The following COL5A2 variants were observed in gnomAD, a reference collection of about 807,000 sequenced individuals.
COL5A2 encodes collagen type V alpha 2 chain.
COL5A2 carries 23 observed loss-of-function variants against 208.2 expected under a neutral mutation model. The ratio of observed to expected loss-of-function variants is 0.11; its 90% CI spans 0.08 to 0.16. The LOEUF is 0.16. COL5A2 is among the 10% of genes least tolerant of loss of function. COL5A2 has a pLI of 1.00. For synonymous variants in COL5A2, 625 were observed against 628.5 expected, an observed-to-expected ratio of 0.99 and a Z score of 0.08; for missense variants, 1,590 against 1,956.4, an observed-to-expected ratio of 0.81 and a Z score of 3.53.
chr2:189,406,314 A>G, the COL5A2 span, among the ~76,000 whole-genome samples: 1 of 152,168 alleles, frequency 6.6e-6, no homozygotes, highest in Non-Finnish European at 1.5e-5. Flanking sequence ...TGGTAACAGC[A>G]TATTTCACAA....
chr2:189,279,660 A>C, the COL5A2 span, among the ~76,000 whole-genome samples: 1 of 151,976 alleles, frequency 6.6e-6, no homozygotes, highest in Admixed American at 6.5e-5. Context: ...GAGTATTATA[A>C]GATAGTTTAT....
rs528433894 is a variant in COL5A2 at position 189,109,742 on chromosome 2, A to G, written c.322+483T>C. On this transcript the variant is annotated intron_variant, in intron 2 of 53. Transcript: ENST00000374866. The stretch of plus-strand genomic sequence containing the variant: ...CTATTTCATTCTTTACCTAGCCAAC[A>G]TGAAAAGCATTCTGCATTTAAGAGC... Among the ~76,000 whole-genome samples, 4 of 152,314 alleles carry G rather than the reference A, an allele frequency of 2.6e-5. No individual in the cohort carries two copies. The East Asian group carries it at 7.7e-4, about 29-fold the overall frequency.
chr2:189,299,041 C>A, the COL5A2 span, among the ~76,000 whole-genome samples: 2 of 152,148 alleles, frequency 1.3e-5, no homozygotes, highest in East Asian at 3.8e-4. Flanking sequence ...TTAATGCTAT[C>A]CCACAGCTTT....
chr2:189,369,509 A>G, the COL5A2 span, among the ~76,000 whole-genome samples: 3 of 152,086 alleles, frequency 2.0e-5, no homozygotes, highest in Admixed American at 2.0e-4. Context: ...AGTTTGATAC[A>G]TTCGTTTTCA....
chr2:189,278,163 A>G, the COL5A2 span, among the ~76,000 whole-genome samples: 3 of 152,108 alleles, frequency 2.0e-5, no homozygotes, highest in Non-Finnish European at 2.9e-5. Context: ...TGTTTTTCTT[A>G]TATTCCTTCT....
At chr2:189,399,191 T>C in the COL5A2 span, among the ~76,000 whole-genome samples, 1 of 152,160 alleles carries the variant, frequency 6.6e-6, no homozygotes, top group Non-Finnish European at 1.5e-5. Flanking sequence ...GTTCTTGTAG[T>C]ACAGATCTCC....
At chr2:189,262,129 C>A in the COL5A2 span, among the ~76,000 whole-genome samples, 1 of 152,046 alleles carries the variant, frequency 6.6e-6, no homozygotes, top group South Asian at 2.1e-4. Context: ...TTTCCAAATG[C>A]TGACTCCTTA....
chr2:189,047,012 C>CT (rs996656346), intron 45 of COL5A2, among the ~76,000 whole-genome samples: 2 of 151,634 alleles, frequency 1.3e-5, no homozygotes, highest in African/African-American at 2.4e-5. Flanking sequence ...GTCCCAGCTA[C>CT]TGGGGAGGCT....
intron 26 of COL5A2, 131 bp from the exon 27 acceptor site, chr2:189,063,401 A>G (rs1686078253): frequency 2.5e-6 from 2 of 789,272 alleles, no homozygotes; most frequent in Non-Finnish European, 4.3e-6. Context: ...ATGTTAAAGA[A>G]TCAGGACAGT....
At chr2:189,299,278 A>T in the COL5A2 span, among the ~76,000 whole-genome samples, 1 of 152,190 alleles carries the variant, frequency 6.6e-6, no homozygotes, top group Non-Finnish European at 1.5e-5. Flanking sequence ...CTTTAAAAAA[A>T]ACAGAAGTAA....
At chr2:189,188,686 T>A (rs182249843) in intron 1 of COL5A2, among the ~76,000 whole-genome samples, 3 of 152,190 alleles carry the variant, frequency 2.0e-5, no homozygotes, top group Admixed American at 2.0e-4. Flanking sequence ...AAGAAATGAG[T>A]GTGCTATGCT....
At chr2:189,309,399 C>T in the COL5A2 span, among the ~76,000 whole-genome samples, 1 of 152,066 alleles carries the variant, frequency 6.6e-6, no homozygotes, top group African/African-American at 2.4e-5. Flanking sequence ...GAAGAATGCC[C>T]CAAGTAAGCA....
chr2:189,279,939 G>A, the COL5A2 span, among the ~76,000 whole-genome samples: 1 of 152,102 alleles, frequency 6.6e-6, no homozygotes, highest in Non-Finnish European at 1.5e-5. Flanking sequence ...CCTTTGGGAG[G>A]TCATTAGGTC....
the COL5A2 span, among the ~76,000 whole-genome samples, chr2:189,318,431 C>T: frequency 6.6e-6 from 1 of 152,192 alleles, no homozygotes; most frequent in South Asian, 2.1e-4. Context: ...CCAACTCCCT[C>T]TACATGCCTT....
At position 189,050,470 on chromosome 2, in the gene COL5A2, T is replaced by G. The variant is rs189915735; in HGVS notation, c.3039+99A>C. On this transcript the variant is annotated intron_variant, in intron 43 of 53. Coordinates refer to ENST00000374866, the MANE Select transcript of COL5A2 (RefSeq NM_000393.5). ...TCAAAAATTAATGTCCCTACAATACTGTTTAAATCTATTCATCAAGCAAAA... is the reference window on the plus strand; with the variant it reads ...TCAAAAATTAATGTCCCTACAATACGGTTTAAATCTATTCATCAAGCAAAA... 2.3e-4 allele frequency: 227 copies of G among 971,918 alleles called. 1 individual carries two copies. In the African/African-American group the frequency reaches 3.1e-3, roughly 13 times the overall value. The allele number at this position is 971,918 out of a possible 1,614,324, so 60.2% of individuals were successfully genotyped here.
In COL5A2 at chr2:189,220,079, TG is replaced by T. The variant is rs1314406773; in HGVS notation, c.-42+5068del. Among the ~76,000 whole-genome samples the T allele has an allele frequency of 2.6e-5, 4 of 152,256 alleles. No individual in the cohort carries two copies. In the East Asian group the frequency reaches 7.7e-4, roughly 29 times the overall value. Reference sequence around the variant, plus strand: ...ATGCAGGCCTTTATGCCCACCTGGCTGTCACTAGCTGCAGCTGCCACAAGAA... The same window carrying T: ...ATGCAGGCCTTTATGCCCACCTGGCTTCACTAGCTGCAGCTGCCACAAGAA... On this transcript the variant is annotated intron_variant, in intron 1 of 10. Coordinates refer to the COL5A2 transcript ENST00000649966.
the COL5A2 span, among the ~76,000 whole-genome samples, chr2:189,238,564 C>T: frequency 6.6e-6 from 1 of 152,062 alleles, no homozygotes; most frequent in Non-Finnish European, 1.5e-5. Context: ...TAAAGAACTG[C>T]CTGAGACTGG....
chr2:189,038,097 A>G (rs1685479269), intron 51 of COL5A2, among the ~76,000 whole-genome samples: 2 of 152,024 alleles, frequency 1.3e-5, no homozygotes, highest in African/African-American at 4.8e-5. Flanking sequence ...GGGATATTGT[A>G]TGATGCTGAG....
the COL5A2 span, among the ~76,000 whole-genome samples, chr2:189,319,629 C>T: frequency 6.6e-6 from 1 of 152,238 alleles, no homozygotes; most frequent in Non-Finnish European, 1.5e-5. Context: ...GGGGCGCCCG[C>T]CATTGCTGAG....
Sources: allele counts gnomAD v4.1 joint callset (sites outside exome capture counted in the v4.1 genomes callset), GRCh38; gene constraint gnomAD v4.1.1; transcripts MANE v1.5; gene names NCBI Gene and HGNC (gene_info 2026-07-23, HGNC 2026-07-21).